PSD3: variants seen among roughly 807,000 people sequenced by gnomAD.
PSD3 encodes the protein pleckstrin and Sec7 domain containing 3.
PSD3 carries 49 observed loss-of-function variants against 105.5 expected under a neutral mutation model. That is an observed-to-expected ratio of 0.46 (90% CI 0.37 to 0.59). PSD3 has a LOEUF of 0.59. Ranked by LOEUF, PSD3 falls within the 20% of genes least tolerant of loss-of-function variation. PSD3 has a pLI of 0.00. For missense variants in PSD3, 1,561 were observed against 1,263.8 expected, an observed-to-expected ratio of 1.24 and a Z score of -3.57; for synonymous variants, 557 against 457.8, an observed-to-expected ratio of 1.22 and a Z score of -2.77.
intron 4 of PSD3, among the ~76,000 whole-genome samples, chr8:18,839,862 T>C (rs1301021642): frequency 6.6e-6 from 1 of 152,198 alleles, no homozygotes; most frequent in Non-Finnish European, 1.5e-5. Context: ...ACACAGTCGA[T>C]GGCAGTGGAC....
chr8:18,867,605 C>T lies in PSD3; in HGVS notation c.1634+69G>A, dbSNP rs1380074946. 14 of 1,508,518 alleles carry T rather than the reference C, an allele frequency of 9.3e-6. No homozygotes were observed. In the Admixed American group the frequency reaches 2.8e-4, roughly 30 times the overall value. 93.4% of individuals were successfully genotyped at this position (1,508,518 alleles called of 1,614,324 possible). A position where few individuals can be genotyped will look rare whatever the true frequency, so the allele number is the denominator to read the frequency against. Reference sequence around the variant, plus strand: ...AAATGATTTAAATATATATTCCACACTCAGATTTCCCAGAAAAGAAATCCT... The same window carrying T: ...AAATGATTTAAATATATATTCCACATTCAGATTTCCCAGAAAAGAAATCCT... On this transcript the variant is annotated intron_variant, in intron 4 of 15. Coordinates refer to ENST00000327040, the MANE Select transcript of PSD3 (RefSeq NM_015310.4).
chr8:18,978,550 T>C (rs1375489394), intron 1 of PSD3, among the ~76,000 whole-genome samples: 10 of 152,164 alleles, frequency 6.6e-5, no homozygotes, highest in African/African-American at 2.2e-4. Flanking sequence ...TAACCTGAGA[T>C]GGCTACATCT....
At chr8:19,025,922 A>C (rs547616210) in intron 1 of PSD3, among the ~76,000 whole-genome samples, 1 of 152,180 alleles carries the variant, frequency 6.6e-6, no homozygotes, top group Non-Finnish European at 1.5e-5. Context: ...GAGACTGGGT[A>C]ATTTATAAAG....
At chr8:18,617,499 C>G (rs879436442) in intron 11 of PSD3, among the ~76,000 whole-genome samples, 8 of 152,166 alleles carry the variant, frequency 5.3e-5, no homozygotes, top group South Asian at 4.1e-4. Flanking sequence ...CCATTGCACT[C>G]CAGCCTGGGT....
chr8:18,787,615 ACT>A (rs959991442), intron 8 of PSD3, among the ~76,000 whole-genome samples: 6 of 151,940 alleles, frequency 3.9e-5, no homozygotes, highest in African/African-American at 1.2e-4. Context: ...AAGTCAAAAT[ACT>A]CTCTATATCG....
At chr8:18,656,555 T>G (rs10106184) in intron 9 of PSD3, among the ~76,000 whole-genome samples, 61,057 of 151,796 alleles carry the variant, frequency 0.4, 12,832 homozygotes, top group South Asian at 0.51. Context: ...GTATTACATT[T>G]TGGGTGTGTG....
At chr8:18,665,514 C>A (rs113137494) in intron 9 of PSD3, among the ~76,000 whole-genome samples, 1 of 152,072 alleles carries the variant, frequency 6.6e-6, no homozygotes, top group East Asian at 1.9e-4. Context: ...AAACTACCCC[C>A]GGTGAAGATG....
rs181470150 is a variant in PSD3 at position 19,026,924 on chromosome 8, G to A, written c.324+57282C>T. Among the ~76,000 whole-genome samples the A allele has an allele frequency of 4.1e-3, 606 of 149,516 alleles. 5 individuals are homozygous for A. The highest frequency in any genetic ancestry group is 0.014 in the African/African-American group (559 of 41,334). On this transcript the variant is annotated intron_variant, in intron 1 of 1. Transcript: ENST00000521475. ...AAAGAAAGAAAGGAAAATGTTTACT[G>A]AATGAATGAGTGAGTGAAAGAATTC...
At position 18,872,360 on chromosome 8, in the gene PSD3, C is replaced by T; in HGVS notation, c.504G>A (p.Gln168=). The change falls in exon 3 of 16, where the codon CAG becomes CAA. Residue 168 remains glutamine, a synonymous_variant. Transcript: ENST00000327040. The part of the protein sequence containing the change: ...QDAVSSFSVQ[Q]VEKELDTASR... ...TGGCAGTGTCCAGCTCTTTTTCCAC[C>T]TGCTGAACTGAAAAACTAGAAACAG... 6.2e-7 allele frequency: 1 copy of T among 1,614,164 alleles called. No homozygotes were observed. Among genetic ancestry groups the T allele is most frequent in the Non-Finnish European group, 8.5e-7 (1 of 1,180,032 alleles).
intron 9 of PSD3, among the ~76,000 whole-genome samples, chr8:18,673,324 T>C (rs11995995): frequency 0.45 from 68,946 of 151,974 alleles, 15,824 homozygotes; most frequent in South Asian, 0.55. Flanking sequence ...TTATTGTGAC[T>C]ATATAGACAT....
intron 1 of PSD3, among the ~76,000 whole-genome samples, chr8:19,053,095 A>C (rs1828587859): frequency 6.6e-6 from 1 of 152,170 alleles, no homozygotes; most frequent in Admixed American, 6.5e-5. Flanking sequence ...TTGGAGTGAC[A>C]AGGTGACTTA....
intron 14 of PSD3, among the ~76,000 whole-genome samples, chr8:18,571,823 G>T (rs1802159710): frequency 6.6e-6 from 1 of 152,164 alleles, no homozygotes; most frequent in African/African-American, 2.4e-5. Context: ...AGACATCAAA[G>T]TAGCTTCCAA....
chr8:18,540,133 T>G (rs1016077685), intron 15 of PSD3, among the ~76,000 whole-genome samples: 1 of 152,204 alleles, frequency 6.6e-6, no homozygotes, highest in African/African-American at 2.4e-5. Context: ...GCCCCTGACA[T>G]GTAAGTAGAA....
In PSD3 at chr8:18,872,580, T is replaced by C. The variant is rs745933748; in HGVS notation, c.284A>G (p.Gln95Arg). 7 of 1,614,110 alleles carry C rather than the reference T, an allele frequency of 4.3e-6. No homozygotes were observed. Among genetic ancestry groups the C allele is most frequent in the African/African-American group, 1.3e-5 (1 of 75,022 alleles). The change falls in exon 3 of 16, where the codon CAG (glutamine) becomes CGG (arginine). Residue 95 changes from glutamine (Q) to arginine (R), a missense_variant. Physicochemically the swap from Gln to Arg is conservative, Grantham distance 43 (BLOSUM62 1). Coordinates refer to ENST00000327040, the MANE Select transcript of PSD3 (RefSeq NM_015310.4). ...CCCAGAGTGGCAGCCAGTAAGAGGC[T>C]GGACACCCTGCTGCTCTTGTGGGTG... Reference protein sequence around the residue: ...PCHPQEQQGVQPLTGCHSGLD... With the variant: ...PCHPQEQQGVRPLTGCHSGLD...
intron 9 of PSD3, among the ~76,000 whole-genome samples, chr8:18,731,150 G>A (rs1018396249): frequency 1.3e-5 from 2 of 152,064 alleles, no homozygotes; most frequent in Non-Finnish European, 2.9e-5. Context: ...CAGCTACTCG[G>A]GAGCCTGAGG....
At chr8:18,541,975 A>T (rs1414678324) in intron 15 of PSD3, among the ~76,000 whole-genome samples, 2 of 150,968 alleles carry the variant, frequency 1.3e-5, no homozygotes. Context: ...CTGGTCTCAA[A>T]CTCCTGACCT....
intron 1 of PSD3, among the ~76,000 whole-genome samples, chr8:19,077,503 A>G (rs1418565024): frequency 1.3e-5 from 2 of 152,188 alleles, no homozygotes; most frequent in African/African-American, 4.8e-5. Flanking sequence ...CAGCCCTGCC[A>G]TTATCTGACA....
At chr8:18,622,285 T>C (rs945924501) in intron 11 of PSD3, among the ~76,000 whole-genome samples, 1 of 152,224 alleles carries the variant, frequency 6.6e-6, no homozygotes, top group Non-Finnish European at 1.5e-5. Context: ...CCTCCTTTGA[T>C]TCATTTCTTC....
At chr8:18,615,400 C>G (rs370435689) in intron 11 of PSD3, among the ~76,000 whole-genome samples, 2 of 152,212 alleles carry the variant, frequency 1.3e-5, no homozygotes, top group Non-Finnish European at 2.9e-5. Flanking sequence ...CCACGGGCAT[C>G]AGGGATAAGA....
Sources: allele counts gnomAD v4.1 joint callset (sites outside exome capture counted in the v4.1 genomes callset), GRCh38; gene constraint gnomAD v4.1.1; transcripts MANE v1.5; gene names NCBI Gene and HGNC (gene_info 2026-07-23, HGNC 2026-07-21).